The following COPZ2 variants were observed in gnomAD, a reference collection of about 807,000 sequenced individuals.
The protein encoded by COPZ2 is coatomer subunit zeta-2.
In COPZ2, 30 loss-of-function variants were observed where a neutral mutation model predicts 33.2. The observed-to-expected ratio is 0.90, with a 90% CI of 0.68 to 1.23. The LOEUF (loss-of-function observed/expected upper bound fraction) is 1.23, where lower values mean the gene tolerates loss of function less well. Among genes scored for constraint, COPZ2 ranks in the 50% most tolerant of loss-of-function variants. The pLI is 0.00. For synonymous variants in COPZ2, 89 were observed against 102.6 expected (o/e 0.87, Z 0.80); for missense variants, 263 against 262.4 (o/e 1.00, Z -0.02).
Position 48,026,484 on chromosome 17 carries a change from G to T in COPZ2, c.586-9C>A. 6.2e-7 allele frequency: 1 copy of T among 1,602,900 alleles called. No homozygotes were observed. On this transcript the variant is annotated splice_polypyrimidine_tract_variant and intron_variant, in intron 8 of 8. Coordinates refer to ENST00000621465, the MANE Select transcript of COPZ2 (RefSeq NM_016429.4). Reference sequence around the variant, plus strand: ...TTGGCAGACTGAAGAACCTGGGGTGGGGTGGGGGAGGTTGAGAGAGAATTG... The same window carrying T: ...TTGGCAGACTGAAGAACCTGGGGTGTGGTGGGGGAGGTTGAGAGAGAATTG...
At position 48,037,381 on chromosome 17, in the gene COPZ2, G is replaced by C. The variant is rs113427913; in HGVS notation, c.111+286C>G. 1.8e-3 allele frequency: 593 copies of C among 331,474 alleles called. 9 individuals are homozygous for C. Among genetic ancestry groups the C allele is most frequent in the African/African-American group, 0.012 (561 of 45,158 alleles). The allele number at this position is 331,474 out of a possible 1,614,324, so 20.5% of individuals were successfully genotyped here. On this transcript the variant is annotated intron_variant, in intron 1 of 8. Coordinates refer to ENST00000621465, the MANE Select transcript of COPZ2 (RefSeq NM_016429.4). This position sits in a 1 kb window ranked among gnomAD's most constrained non-coding sequence, Gnocchi z 5.6. The stretch of plus-strand genomic sequence containing the variant: ...CACCGGTGATGGGAGCCGAGTCTGG[G>C]ACGGACAGGCCACTCCTTACCCTCC...
Position 48,032,735 on chromosome 17 carries a change from G to A in COPZ2, c.367C>T (p.Leu123Phe), listed in dbSNP as rs1201974372. Residue 123 changes from leucine (L) to phenylalanine (F), a missense_variant, in exon 5 of 9, where the codon CTC (leucine) becomes TTC (phenylalanine). By Grantham distance (22) the Leu-to-Phe change is conservative. Coordinates refer to ENST00000621465, the MANE Select transcript of COPZ2 (RefSeq NM_016429.4). The part of the protein sequence containing the change: ...VGSSYENELM[L>F]MSVLTCLFES... ...AACAGGCAGGTGAGAACAGACATGA[G>A]CATCAGCTGGGATGGGCAGATACGG... is the stretch of plus-strand genomic sequence containing the variant. 1.9e-6 allele frequency: 3 copies of A among 1,591,812 alleles called. No individual in the cohort carries two copies. Among genetic ancestry groups the A allele is most frequent in the African/African-American group, 2.7e-5 (2 of 74,484 alleles).
intron 6 of COPZ2, 24 bp downstream of exon 6, chr17:48,032,132 T>G: frequency 6.3e-7 from 1 of 1,598,428 alleles, no homozygotes; most frequent in Non-Finnish European, 8.6e-7. Flanking sequence ...CTGCTGTGAG[T>G]GTCCCTGACT....
rs571179473 is a variant in COPZ2 at position 48,028,319 on chromosome 17, G to T, written c.585+153C>A. Among the ~76,000 whole-genome samples the T allele has an allele frequency of 1.3e-5, 2 of 152,288 alleles. No homozygotes were observed. The highest frequency in any genetic ancestry group is 3.9e-4 in the East Asian group (2 of 5,194). ...GGAGGCCTCCAGTGAGTCTTTCCAA[G>T]ATATGACCTGTCACTGCCTCATCCC... On this transcript the variant is annotated intron_variant, in intron 8 of 8. Coordinates refer to ENST00000621465, the MANE Select transcript of COPZ2 (RefSeq NM_016429.4). The surrounding 1 kb of genome is among the most constrained non-coding windows in gnomAD (Gnocchi z 4.5).
chr17:48,034,780 C>G (rs1465983108), intron 2 of COPZ2, among the ~76,000 whole-genome samples: 1 of 152,000 alleles, frequency 6.6e-6, no homozygotes. Context: ...GTCAGGCGTT[C>G]CAGACCAGCT....
In COPZ2 at chr17:48,035,677, G is replaced by T. The variant is rs1011871342; in HGVS notation, c.186+1174C>A. Among the ~76,000 whole-genome samples, 6 of 152,108 alleles carry T rather than the reference G, an allele frequency of 3.9e-5. No individual in the cohort carries two copies. The South Asian group carries it at 1.2e-3, about 32-fold the overall frequency. ...GGGCTCAAGCAGTCCACCCGCCTCG[G>T]CCTCCCAAAGTACTGGGATTACAGG... On this transcript the variant is annotated intron_variant, in intron 2 of 8. Transcript: ENST00000621465.
At chr17:48,044,372 G>A in the COPZ2 span, among the ~76,000 whole-genome samples, 1 of 140,298 alleles carries the variant, frequency 7.1e-6, no homozygotes, top group South Asian at 2.4e-4. Context: ...AATCATTCTA[G>A]TCTGTGTTCC....
chr17:48,040,576 G>A (rs2037052137), upstream of COPZ2, among the ~76,000 whole-genome samples: 1 of 151,522 alleles, frequency 6.6e-6, no homozygotes, highest in African/African-American at 2.4e-5. Flanking sequence ...GGGACTACAG[G>A]TGCACACCAC....
chr17:48,034,538 C>CTG (rs2144308765), intron 2 of COPZ2, among the ~76,000 whole-genome samples: 2 of 152,334 alleles, frequency 1.3e-5, no homozygotes, highest in South Asian at 4.1e-4. Context: ...TAAGGATTGG[C>CTG]ATGGTCACGA....
upstream of COPZ2, among the ~76,000 whole-genome samples, chr17:48,041,378 G>A (rs529284632): frequency 6.6e-6 from 1 of 152,182 alleles, no homozygotes; most frequent in Non-Finnish European, 1.5e-5. Flanking sequence ...ATGAGTTGGG[G>A]ATAAGTGCTG....
chr17:48,034,674 A>G (rs949296324), intron 2 of COPZ2, among the ~76,000 whole-genome samples: 2 of 152,140 alleles, frequency 1.3e-5, no homozygotes, highest in Non-Finnish European at 2.9e-5. Context: ...CGGATGGGGA[A>G]ACCGAGGCAT....
upstream of COPZ2, among the ~76,000 whole-genome samples, chr17:48,042,150 T>G (rs1007859407): frequency 2.8e-4 from 42 of 152,150 alleles, no homozygotes; most frequent in Non-Finnish European, 4.6e-4. Context: ...TTCTTTTTTT[T>G]GAGAAGGAGT....
upstream of COPZ2, among the ~76,000 whole-genome samples, chr17:48,041,876 CCT>C (rs1567745791): frequency 2.0e-5 from 3 of 151,298 alleles, no homozygotes; most frequent in African/African-American, 7.3e-5. Context: ...CATTTCTCAG[CCT>C]CTGTTTGGCT....
chr17:48,042,623 G>A (rs1328282840), upstream of COPZ2, among the ~76,000 whole-genome samples: 14 of 151,844 alleles, frequency 9.2e-5, no homozygotes, highest in Admixed American at 4.6e-4. Context: ...CACCATGCCC[G>A]GCTAATTTTT....
At position 48,028,655 on chromosome 17, in the gene COPZ2, A is replaced by G. The variant is rs1405381763; in HGVS notation, c.547-145T>C. On this transcript the variant is annotated intron_variant, in intron 7 of 8. Coordinates refer to ENST00000621465, the MANE Select transcript of COPZ2 (RefSeq NM_016429.4). The surrounding 1 kb of genome is among the most constrained non-coding windows in gnomAD (Gnocchi z 4.5). ...AGCTGCACCTGTGTCACTGGTTAAT[A>G]GAAGTCCTGCAGCCTGTCATTTGGA... The G allele has an allele frequency of 1.4e-6, 1 of 704,496 alleles. No individual in the cohort carries two copies. 43.6% of individuals were successfully genotyped at this position (704,496 alleles called of 1,614,324 possible).
rs1190988670 is a variant in COPZ2 at position 48,026,410 on chromosome 17, G to A, written c.*18C>T. The A allele has an allele frequency of 1.9e-6, 3 of 1,606,436 alleles. No homozygotes were observed. Among genetic ancestry groups the A allele is most frequent in the Non-Finnish European group, 2.6e-6 (3 of 1,173,104 alleles). ...GGGGAAATGATCTGGGGGGCAGGGA[G>A]CCTTGAATCCACAGCCTTCATTTCA... On this transcript the variant is annotated 3_prime_UTR_variant, in exon 9 of 9. Transcript: ENST00000621465.
chr17:48,033,395 C>T, intron 3 of COPZ2, 93 bp from the exon 4 acceptor site: 1 of 746,808 alleles, frequency 1.3e-6, no homozygotes, highest in South Asian at 1.5e-5. Context: ...TCTCCTATTT[C>T]CTTCTCCCCT....
chr17:48,036,968 G>A (rs1398356700), intron 1 of COPZ2, 43 bp from the exon 2 acceptor site: 2 of 1,538,944 alleles, frequency 1.3e-6, no homozygotes, highest in Admixed American at 1.7e-5. Context: ...CTGACTCGAG[G>A]TGGACACCCT....
Position 48,033,177 on chromosome 17 carries a change from G to C in COPZ2, c.360+34C>G, listed in dbSNP as rs1333084318. 1.1e-5 allele frequency: 15 copies of C among 1,393,964 alleles called. No homozygotes were observed. The East Asian group carries it at 3.4e-4, about 32-fold the overall frequency. 86.3% of individuals were successfully genotyped at this position (1,393,964 alleles called of 1,614,324 possible). Reference sequence around the variant, plus strand: ...AAATAACAACATTTCCCCATAGACAGACCCTTCTTACTGCCCCAACCTCCT... The same window carrying C: ...AAATAACAACATTTCCCCATAGACACACCCTTCTTACTGCCCCAACCTCCT... On this transcript the variant is annotated intron_variant, in intron 4 of 8. Coordinates refer to ENST00000621465, the MANE Select transcript of COPZ2 (RefSeq NM_016429.4).
Sources: gnomAD v4.1 joint callset for allele counts (sites outside exome capture counted in the v4.1 genomes callset) on GRCh38, gnomAD v4.1.1 for gene constraint, Gnocchi (gnomAD v3.1) non-coding constraint, MANE v1.5 for transcripts, NCBI Gene and HGNC (gene_info 2026-07-23, HGNC 2026-07-21) for gene names.